Variants in TAF2 observed in about 807,000 individuals in gnomAD.
TAF2 encodes the protein transcription initiation factor TFIID subunit 2.
In TAF2, 61 loss-of-function variants were observed where a neutral mutation model predicts 138.5. The observed-to-expected ratio is 0.44, with a 90% CI of 0.36 to 0.54. The LOEUF (loss-of-function observed/expected upper bound fraction) is 0.54, where lower values mean the gene tolerates loss of function less well. Ranked by LOEUF, TAF2 falls within the 20% of genes least tolerant of loss-of-function variation. TAF2 has a pLI of 0.00. For missense variants in TAF2, 1,090 were observed against 1,427.9 expected (o/e 0.76, Z 3.81); for synonymous variants, 475 against 469.9 (o/e 1.01, Z -0.14).
chr8:119,762,340 A>G, intron 19 of TAF2, 75 bp downstream of exon 19: 1 of 1,449,406 alleles, frequency 6.9e-7, no homozygotes, highest in Non-Finnish European at 9.5e-7. Context: ...ATATTTCCCA[A>G]TTTTCTATAA....
chr8:119,816,577 G>C (rs1340501938), intron 3 of TAF2, among the ~76,000 whole-genome samples: 1 of 152,098 alleles, frequency 6.6e-6, no homozygotes, highest in Non-Finnish European at 1.5e-5. Flanking sequence ...GTTCATTAAA[G>C]AAAGAAAGTT....
chr8:119,788,732 C>T, intron 13 of TAF2, 58 bp downstream of exon 13: 2 of 1,211,652 alleles, frequency 1.7e-6, no homozygotes, highest in South Asian at 1.2e-5. Flanking sequence ...CCCTAAGTCC[C>T]TCTTCTATTG....
At chr8:119,810,681 T>C (rs1459723952) in intron 3 of TAF2, among the ~76,000 whole-genome samples, 1 of 152,216 alleles carries the variant, frequency 6.6e-6, no homozygotes. Context: ...TAAGGACTAT[T>C]TTATCTATAG....
At chr8:119,819,579 C>G in intron 2 of TAF2, 73 bp from the exon 3 acceptor site, 1 of 1,233,024 alleles carries the variant, frequency 8.1e-7, no homozygotes, top group South Asian at 1.2e-5. Context: ...TTATTTTTAC[C>G]ACTTGTACAC....
rs147778783 is a variant in TAF2 at position 119,764,446 on chromosome 8, T to G, written c.2365-1838A>C. On this transcript the variant is annotated intron_variant, in intron 18 of 25. Transcript: ENST00000378164. ...CCACAACAATAATGAAGTATAAAAT[T>G]TAATAATATACCAGTGTGTGCCACA... Among the ~76,000 whole-genome samples, 213 of 152,258 alleles carry G rather than the reference T, an allele frequency of 1.4e-3. 1 individual carries two copies. Among genetic ancestry groups the G allele is most frequent in the African/African-American group, 5.0e-3 (206 of 41,562 alleles).
intron 2 of TAF2, among the ~76,000 whole-genome samples, chr8:119,824,755 G>A (rs1481967448): frequency 6.6e-6 from 1 of 152,340 alleles, no homozygotes; most frequent in East Asian, 1.9e-4. Context: ...GATGGTACAA[G>A]CCTCAAGCCT....
intron 3 of TAF2, among the ~76,000 whole-genome samples, chr8:119,816,718 T>A (rs954744338): frequency 9.9e-5 from 15 of 152,236 alleles, no homozygotes; most frequent in African/African-American, 2.9e-4. Flanking sequence ...ATAAACATAA[T>A]ATTTCTTCTG....
intron 22 of TAF2, 104 bp from the exon 23 acceptor site, chr8:119,747,038 C>A: frequency 8.7e-7 from 1 of 1,153,606 alleles, no homozygotes; most frequent in Admixed American, 2.0e-5. Flanking sequence ...ACTGGAAAAA[C>A]CTTTATCACA....
intron 18 of TAF2, among the ~76,000 whole-genome samples, chr8:119,768,170 A>C (rs963529770): frequency 6.6e-6 from 1 of 152,132 alleles, no homozygotes; most frequent in African/African-American, 2.4e-5. Flanking sequence ...CTGAGAGCCC[A>C]TGCTGACAGG....
intron 23 of TAF2, among the ~76,000 whole-genome samples, chr8:119,746,178 C>T (rs956004165): frequency 6.6e-5 from 10 of 151,848 alleles, no homozygotes; most frequent in African/African-American, 2.4e-4. Context: ...TTGAGACCAG[C>T]CTGGCCAACA....
At chr8:119,828,243 C>G (rs1022409737) in intron 2 of TAF2, among the ~76,000 whole-genome samples, 12 of 152,118 alleles carry the variant, frequency 7.9e-5, no homozygotes, top group Admixed American at 2.0e-4. Flanking sequence ...GTCCTAGTGC[C>G]TAAGTGAAGA....
At chr8:119,823,867 G>A (rs1309712401) in intron 2 of TAF2, among the ~76,000 whole-genome samples, 6 of 152,206 alleles carry the variant, frequency 3.9e-5, no homozygotes, top group African/African-American at 1.2e-4. Flanking sequence ...CCAGGCTGAG[G>A]TGGTCTCAGA....
intron 2 of TAF2, among the ~76,000 whole-genome samples, chr8:119,825,498 G>A (rs1826038090): frequency 1.3e-5 from 2 of 152,188 alleles, no homozygotes; most frequent in Non-Finnish European, 2.9e-5. Flanking sequence ...GTTTTGAAAT[G>A]TGAGGGCTTA....
chr8:119,740,969 C>A (rs1819568493), intron 25 of TAF2, among the ~76,000 whole-genome samples: 2 of 151,928 alleles, frequency 1.3e-5, no homozygotes, highest in South Asian at 4.1e-4. Context: ...TGCCTCATGC[C>A]AAGAAAGGAC....
At chr8:119,832,154 C>T (rs1478014433) in intron 1 of TAF2, among the ~76,000 whole-genome samples, 1 of 149,880 alleles carries the variant, frequency 6.7e-6, no homozygotes, top group Non-Finnish European at 1.5e-5. Flanking sequence ...GAGACTCCGT[C>T]TTAAAAATTA....
chr8:119,780,549 T>C (rs1041455484), intron 17 of TAF2, among the ~76,000 whole-genome samples: 4 of 152,206 alleles, frequency 2.6e-5, no homozygotes, highest in Non-Finnish European at 5.9e-5. Flanking sequence ...TAAACATTTC[T>C]GGACACTTTA....
chr8:119,775,148 GCTC>G, intron 18 of TAF2, among the ~76,000 whole-genome samples: 1 of 151,722 alleles, frequency 6.6e-6, no homozygotes, highest in South Asian at 2.1e-4. Flanking sequence ...AGGTGTGGCA[GCTC>G]GTGCCTGTAA....
chr8:119,797,668 A>G lies in TAF2; in HGVS notation c.971T>C (p.Ile324Thr). 1 of 1,612,818 alleles carries G rather than the reference A, an allele frequency of 6.2e-7. No individual in the cohort carries two copies. The highest frequency in any genetic ancestry group is 1.1e-5 in the South Asian group (1 of 91,044). Residue 324 changes from isoleucine (I) to threonine (T), a missense_variant, in exon 7 of 26, where the codon ATT (isoleucine) becomes ACT (threonine). Physicochemically the swap from Ile to Thr is moderately conservative, Grantham distance 89. Transcript: ENST00000378164. ...VEVAAYASMSIFSTNLLHSAM... is the reference protein window; with the variant it reads ...VEVAAYASMSTFSTNLLHSAM... ...AATCTGAAGAGATACCAACCTAAAA[A>G]TGCTCATGGAAGCATAAGCAGCCAC...
chr8:119,829,320 T>C (rs1204466864), intron 2 of TAF2, among the ~76,000 whole-genome samples: 1 of 152,132 alleles, frequency 6.6e-6, no homozygotes, highest in African/African-American at 2.4e-5. Context: ...AGTAGCTTCA[T>C]TCTTCTATTA....
Sources: gnomAD v4.1 joint callset for allele counts (sites outside exome capture counted in the v4.1 genomes callset) on GRCh38, gnomAD v4.1.1 for gene constraint, MANE v1.5 for transcripts, NCBI Gene and HGNC (gene_info 2026-07-23, HGNC 2026-07-21) for gene names.